The following SYCP1 variants were observed in gnomAD, a reference collection of about 807,000 sequenced individuals.
SYCP1 encodes cancer/testis antigen 8.
In SYCP1, 64 loss-of-function variants were observed where a neutral mutation model predicts 153.1. That is an observed-to-expected ratio of 0.42 (90% CI 0.34 to 0.51). The LOEUF (loss-of-function observed/expected upper bound fraction) is 0.51. Among genes scored for constraint, SYCP1 ranks in the 20% least tolerant of loss-of-function variants. The probability of loss-of-function intolerance (pLI) is 0.06; values close to 1 mark genes in which losing one functional copy is unlikely to be tolerated. For missense variants in SYCP1, 997 were observed against 1,049.0 expected (o/e 0.95, Z 0.68); for synonymous variants, 384 against 341.8 (o/e 1.12, Z -1.36).
chr1:114,947,727 G>A (rs1670805790), intron 27 of SYCP1, among the ~76,000 whole-genome samples: 1 of 144,734 alleles, frequency 6.9e-6, no homozygotes, highest in Non-Finnish European at 1.5e-5. Flanking sequence ...GCAGGAGAAT[G>A]GCGTGAACCC....
At chr1:114,940,755 G>A (rs1157092798) in intron 23 of SYCP1, among the ~76,000 whole-genome samples, 1 of 151,714 alleles carries the variant, frequency 6.6e-6, no homozygotes, top group African/African-American at 2.4e-5. Context: ...ATAGTTGTTG[G>A]GTGTTTCCTT....
At chr1:114,978,753 C>T (rs1406905358) in intron 28 of SYCP1, among the ~76,000 whole-genome samples, 2 of 151,558 alleles carry the variant, frequency 1.3e-5, no homozygotes, top group Non-Finnish European at 3.0e-5. Context: ...TGCACTGAAC[C>T]TGTGAGTGAA....
chr1:114,988,750 AT>A (rs1390401418), intron 30 of SYCP1, among the ~76,000 whole-genome samples: 1 of 152,072 alleles, frequency 6.6e-6, no homozygotes, highest in Non-Finnish European at 1.5e-5. Flanking sequence ...TGGGCAATTT[AT>A]AAAAGCTAGT....
At chr1:114,882,404 C>G (rs1666014227) in intron 12 of SYCP1, among the ~76,000 whole-genome samples, 1 of 152,124 alleles carries the variant, frequency 6.6e-6, no homozygotes, top group Non-Finnish European at 1.5e-5. Flanking sequence ...TGAAATTCCT[C>G]CATTTTATTT....
intron 16 of SYCP1, chr1:114,910,184 C>A: frequency 3.1e-6 from 1 of 321,804 alleles, no homozygotes. Context: ...TGTAACTAAA[C>A]AATTAATTAT....
At chr1:114,954,802 A>G (rs1415840005) in intron 27 of SYCP1, among the ~76,000 whole-genome samples, 2 of 152,026 alleles carry the variant, frequency 1.3e-5, no homozygotes, top group African/African-American at 2.4e-5. Context: ...GATGGCCTCA[A>G]TCTCTTGACC....
intron 28 of SYCP1, 130 bp downstream of exon 28, chr1:114,977,746 G>T: frequency 1.7e-6 from 1 of 601,824 alleles, no homozygotes; most frequent in South Asian, 2.9e-5. Flanking sequence ...TTTCTAAATT[G>T]TTTCTTGCTA....
At chr1:114,944,814 CTT>C (rs1670597397) in intron 24 of SYCP1, 56 bp from the exon 25 acceptor site, 1 of 1,217,146 alleles carries the variant, frequency 8.2e-7, no homozygotes, top group Non-Finnish European at 1.2e-6. Context: ...ACTTTTTACA[CTT>C]GTTTGTTTTT....
intron 21 of SYCP1, among the ~76,000 whole-genome samples, chr1:114,925,973 T>A (rs547493209): frequency 2.6e-5 from 4 of 152,172 alleles, no homozygotes; most frequent in African/African-American, 9.6e-5. Context: ...AATTTTTTTT[T>A]TAAAAAAAGA....
intron 12 of SYCP1, among the ~76,000 whole-genome samples, chr1:114,883,767 A>G (rs1012778385): frequency 6.6e-6 from 1 of 152,194 alleles, no homozygotes; most frequent in African/African-American, 2.4e-5. Context: ...ATCTTGGCTC[A>G]CTGCAACCTC....
intron 30 of SYCP1, among the ~76,000 whole-genome samples, chr1:114,992,621 A>G (rs534119568): frequency 7.9e-5 from 12 of 151,718 alleles, no homozygotes; most frequent in African/African-American, 2.6e-4. Context: ...CCTTTATATC[A>G]TATAAAAAAT....
At chr1:114,934,719 C>A (rs1440640199) in intron 23 of SYCP1, among the ~76,000 whole-genome samples, 1 of 152,020 alleles carries the variant, frequency 6.6e-6, no homozygotes, top group Non-Finnish European at 1.5e-5. Context: ...AAAGATCTAC[C>A]AAGCAAATGG....
chr1:114,949,061 C>T (rs932078344), intron 27 of SYCP1, among the ~76,000 whole-genome samples: 16 of 152,228 alleles, frequency 1.1e-4, no homozygotes, highest in African/African-American at 3.6e-4. Context: ...GAGCAGTTTA[C>T]GGCAAAGGGA....
intron 23 of SYCP1, among the ~76,000 whole-genome samples, chr1:114,934,265 A>T (rs567130370): frequency 1.3e-5 from 2 of 152,330 alleles, no homozygotes; most frequent in African/African-American, 2.4e-5. Flanking sequence ...CAACATTCTT[A>T]AAGAAAAGAA....
At chr1:114,863,425 C>T (rs550152519) in intron 8 of SYCP1, among the ~76,000 whole-genome samples, 4 of 152,192 alleles carry the variant, frequency 2.6e-5, no homozygotes, top group South Asian at 2.1e-4. Flanking sequence ...TGATGGCACG[C>T]GCCTGTAGTC....
intron 20 of SYCP1, among the ~76,000 whole-genome samples, chr1:114,914,312 A>C (rs1242800043): frequency 2.0e-5 from 3 of 151,942 alleles, no homozygotes; most frequent in Admixed American, 6.6e-5. Context: ...TTAAGAAAAT[A>C]TATTAATCAC....
At chr1:114,892,256 A>G (rs1666758728) in intron 15 of SYCP1, among the ~76,000 whole-genome samples, 1 of 152,016 alleles carries the variant, frequency 6.6e-6, no homozygotes, top group Admixed American at 6.6e-5. Context: ...GGTGATTCCT[A>G]TGCCCCTGAT....
At chr1:114,919,775 A>G (rs1178606713) in intron 20 of SYCP1, among the ~76,000 whole-genome samples, 5 of 151,878 alleles carry the variant, frequency 3.3e-5, no homozygotes, top group Admixed American at 2.0e-4. Context: ...AGGTTTTCCA[A>G]TTTATTGATG....
At chr1:114,870,065 G>T (rs746152340) in intron 8 of SYCP1, among the ~76,000 whole-genome samples, 1 of 152,102 alleles carries the variant, frequency 6.6e-6, no homozygotes, top group Non-Finnish European at 1.5e-5. Flanking sequence ...CCAGACTGCA[G>T]TGCAATGATG....
Sources: allele counts gnomAD v4.1 joint callset (sites outside exome capture counted in the v4.1 genomes callset), GRCh38; gene constraint gnomAD v4.1.1; transcripts MANE v1.5; gene names NCBI Gene and HGNC (gene_info 2026-07-23, HGNC 2026-07-21).